The following KCNJ5 variants were observed in gnomAD, a reference collection of about 807,000 sequenced individuals.
The protein encoded by KCNJ5 is G protein-activated inward rectifier potassium channel 4.
KCNJ5 carries 12 observed loss-of-function variants against 20.2 expected under a neutral mutation model. The ratio of observed to expected loss-of-function variants is 0.59; its 90% CI spans 0.38 to 0.96. The LOEUF (loss-of-function observed/expected upper bound fraction) is 0.96, where lower values mean the gene tolerates loss of function less well. Among genes scored for constraint, KCNJ5 ranks in the 40% least tolerant of loss-of-function variants. The probability of loss-of-function intolerance (pLI) is 0.00; values close to 1 mark genes in which losing one functional copy is unlikely to be tolerated. For synonymous variants in KCNJ5, 210 were observed against 213.9 expected, an observed-to-expected ratio of 0.98 and a Z score of 0.16; for missense variants, 449 against 557.6, an observed-to-expected ratio of 0.81 and a Z score of 1.96.
At position 128,919,661 on chromosome 11, in the gene KCNJ5, C is replaced by T. The variant is rs1199829286; in HGVS notation, c.*2930C>T. On this transcript the variant is annotated 3_prime_UTR_variant, in exon 3 of 3. Transcript: ENST00000529694. Reference sequence around the variant, plus strand: ...GAGTTTCAAGGGGTCACTTTCAAAACATTTAATTAATTTATTTATGTAGAG... The same window carrying T: ...GAGTTTCAAGGGGTCACTTTCAAAATATTTAATTAATTTATTTATGTAGAG... The T allele has an allele frequency of 6.6e-6, 1 of 152,214 alleles. No individual in the cohort carries two copies. Among genetic ancestry groups the T allele is most frequent in the Non-Finnish European group, 1.5e-5 (1 of 68,036 alleles). The allele number at this position is 152,214 out of a possible 1,614,324, so 9.4% of individuals were successfully genotyped here. A position where few individuals can be genotyped will look rare whatever the true frequency, so the allele number is the denominator to read the frequency against.
intron 1 of KCNJ5, among the ~76,000 whole-genome samples, chr11:128,903,819 G>A (rs762858433): frequency 5.9e-5 from 9 of 152,154 alleles, no homozygotes; most frequent in Non-Finnish European, 8.8e-5. Context: ...CCTGGCTGGC[G>A]GGAAGTGACC....
rs1265998559 is a variant in KCNJ5 at position 128,916,681 on chromosome 11, G to C, written c.1210G>C (p.Asp404His). The change falls in exon 3 of 3, where the codon GAT becomes CAT. Residue 404 changes from aspartate to histidine, a missense_variant. Physicochemically the swap from Asp to His is moderately conservative, Grantham distance 81. Transcript: ENST00000529694. ...TGCAGAGGCTGAGCAGAATGAAGAAGATGAGCCCAAGGGGCTGGGTGGGTC... is the reference window on the plus strand; with the variant it reads ...TGCAGAGGCTGAGCAGAATGAAGAACATGAGCCCAAGGGGCTGGGTGGGTC... Reference protein sequence around the residue: ...LDAEAEQNEEDEPKGLGGSRE... With the variant: ...LDAEAEQNEEHEPKGLGGSRE... The C allele has an allele frequency of 1.2e-6, 2 of 1,611,602 alleles. No homozygotes were observed. Among genetic ancestry groups the C allele is most frequent in the Non-Finnish European group, 1.7e-6 (2 of 1,179,036 alleles).
chr11:128,891,423 C>CAGAGAGAG lies in KCNJ5; in HGVS notation c.-308_-307insGAGAGAGA, dbSNP rs1565540357. On this transcript the variant is annotated 5_prime_UTR_variant, in exon 1 of 3. Coordinates refer to ENST00000529694, the MANE Select transcript of KCNJ5 (RefSeq NM_000890.5). ...ACACACACACACACACACACACACA[C>CAGAGAGAG]ACACACACACACACACACAGAGAGA... 6.4e-5 allele frequency: 7 copies of CAGAGAGAG among 108,618 alleles called. No homozygotes were observed. The highest frequency in any genetic ancestry group is 3.0e-4 in the East Asian group (1 of 3,280). 6.7% of individuals were successfully genotyped at this position (108,618 alleles called of 1,614,324 possible). A position where few individuals can be genotyped will look rare whatever the true frequency, so the allele number is the denominator to read the frequency against.
chr11:128,905,978 C>T (rs961496813), intron 1 of KCNJ5: 2 of 152,160 alleles, frequency 1.3e-5, no homozygotes, highest in East Asian at 1.9e-4. Flanking sequence ...TGCTGACACA[C>T]CGTAGGAACT....
At chr11:128,893,720 C>T (rs978414907) in intron 1 of KCNJ5, among the ~76,000 whole-genome samples, 2 of 152,124 alleles carry the variant, frequency 1.3e-5, no homozygotes, top group African/African-American at 2.4e-5. Context: ...CAAAGCGAAC[C>T]TGGGCCACAT....
chr11:128,893,946 G>A (rs1376670575), intron 1 of KCNJ5, among the ~76,000 whole-genome samples: 1 of 152,230 alleles, frequency 6.6e-6, no homozygotes, highest in African/African-American at 2.4e-5. Context: ...ATCCCTTTGG[G>A]GCTTTCTGCA....
intron 1 of KCNJ5, chr11:128,904,627 C>T (rs1469148943): frequency 8.1e-6 from 6 of 744,736 alleles, no homozygotes; most frequent in Non-Finnish European, 1.2e-5. Flanking sequence ...GAATCAGAAC[C>T]CGCATTTTAG....
At chr11:128,913,572 C>CTT (rs1212191694) in intron 2 of KCNJ5, among the ~76,000 whole-genome samples, 1 of 73,588 alleles carries the variant, frequency 1.4e-5, no homozygotes, top group East Asian at 4.5e-4. Context: ...CTTCCTTTCT[C>CTT]TCTCTCTCTC....
Position 128,917,106 on chromosome 11 carries a change from T to TC in KCNJ5, c.*378dup, listed in dbSNP as rs397799938. On this transcript the variant is annotated 3_prime_UTR_variant, in exon 3 of 3. Coordinates refer to ENST00000529694, the MANE Select transcript of KCNJ5 (RefSeq NM_000890.5). ...ACACCTAGAGAGAACCATCACCTTG[T>TC]CCCTCATTCCTTCCACCCTGAGGCT... 149,879 of 177,232 alleles carry TC rather than the reference T, an allele frequency of 0.85. 63,709 individuals carry two copies. Among genetic ancestry groups the TC allele is most frequent in the African/African-American group, 0.9 (38,194 of 42,258 alleles). 11.0% of individuals were successfully genotyped at this position (177,232 alleles called of 1,614,324 possible).
Position 128,896,903 on chromosome 11 carries a change from C to T in KCNJ5, c.-11+5182C>T, listed in dbSNP as rs139198312. Reference sequence around the variant, plus strand: ...ATGTTTAGTTTTTTTTATTTTTTTTCGAAGAACTGTCCAGCTGTTTTCCAT... The same window carrying T: ...ATGTTTAGTTTTTTTTATTTTTTTTTGAAGAACTGTCCAGCTGTTTTCCAT... On this transcript the variant is annotated intron_variant, in intron 1 of 2. Transcript: ENST00000529694. Among the ~76,000 whole-genome samples the T allele has an allele frequency of 1.4e-3, 205 of 151,398 alleles. 1 individual carries two copies. The highest frequency in any genetic ancestry group is 4.4e-3 in the African/African-American group (182 of 41,260).
chr11:128,898,833 C>T (rs879898315), intron 1 of KCNJ5, among the ~76,000 whole-genome samples: 7 of 152,162 alleles, frequency 4.6e-5, no homozygotes, highest in Admixed American at 6.5e-5. Context: ...CTCACCACCA[C>T]GCCCAGCTCA....
At chr11:128,896,516 T>C (rs1011670095) in intron 1 of KCNJ5, among the ~76,000 whole-genome samples, 2 of 152,178 alleles carry the variant, frequency 1.3e-5, no homozygotes, top group African/African-American at 2.4e-5. Flanking sequence ...TAAGTAGAAT[T>C]ATACAGTATG....
intron 1 of KCNJ5, among the ~76,000 whole-genome samples, chr11:128,898,996 CTTTG>C: frequency 6.6e-6 from 1 of 152,206 alleles, no homozygotes; most frequent in East Asian, 1.9e-4. Context: ...ATTTCTTTCA[CTTTG>C]TTTTTCTCTT....
intron 1 of KCNJ5, among the ~76,000 whole-genome samples, chr11:128,907,954 C>T (rs921038543): frequency 3.9e-5 from 6 of 152,164 alleles, no homozygotes; most frequent in African/African-American, 1.4e-4. Context: ...ATCTCGAAAA[C>T]CTGATTAAAG....
chr11:128,893,015 C>T (rs1944118980), intron 1 of KCNJ5, among the ~76,000 whole-genome samples: 1 of 152,240 alleles, frequency 6.6e-6, no homozygotes, highest in Admixed American at 6.5e-5. Flanking sequence ...CTGAAAGCTG[C>T]TCTTGTCTTT....
In KCNJ5 at chr11:128,912,186, C is replaced by G. The variant is rs911730745; in HGVS notation, c.913C>G (p.Leu305Val). The change falls in exon 2 of 3, where the codon CTA becomes GTA. Residue 305 changes from leucine (L) to valine (V), a missense_variant. Around this residue, in one of 5 missense-constraint regions of KCNJ5, gnomAD observed 145 missense variants for 166.2 expected, o/e 0.87. Transcript: ENST00000529694. ...GGAAGAGTTTGAAGTTGTGGTCATT[C>G]TAGAAGGGATGGTGGAAGCCACAGG... The part of the protein sequence containing the change: ...HQEEFEVVVI[L>V]EGMVEATGMT... The G allele has an allele frequency of 6.2e-7, 1 of 1,604,916 alleles. No homozygotes were observed. The highest frequency in any genetic ancestry group is 8.5e-7 in the Non-Finnish European group (1 of 1,179,916).
chr11:128,906,189 T>G (rs183832550), intron 1 of KCNJ5, among the ~76,000 whole-genome samples: 115 of 152,342 alleles, frequency 7.5e-4, no homozygotes, highest in South Asian at 2.1e-3. Context: ...TGGTGAGTAC[T>G]GTTATCCCCA....
chr11:128,905,270 A>C (rs991655660), intron 1 of KCNJ5, among the ~76,000 whole-genome samples: 3 of 145,466 alleles, frequency 2.1e-5, no homozygotes, highest in African/African-American at 2.5e-5. Flanking sequence ...TCACCCTCCC[A>C]CCCCGCATCC....
chr11:128,912,824 A>C (rs1555145259), intron 2 of KCNJ5, among the ~76,000 whole-genome samples: 1 of 152,168 alleles, frequency 6.6e-6, no homozygotes, highest in Non-Finnish European at 1.5e-5. Context: ...AGTTTTTATT[A>C]AGGTACAGAT....
Sources: gnomAD v4.1 joint callset for allele counts (sites outside exome capture counted in the v4.1 genomes callset) on GRCh38, gnomAD v4.1.1 for gene constraint, gnomAD v4.1.1 regional missense constraint, MANE v1.5 for transcripts, NCBI Gene and HGNC (gene_info 2026-07-23, HGNC 2026-07-21) for gene names.